The following RNF146 variants were observed in gnomAD, a reference collection of about 807,000 sequenced individuals.
The protein encoded by RNF146 is ring finger protein 146, also known as E3 ubiquitin-protein ligase RNF146.
Under a neutral mutation model 29.7 loss-of-function variants are expected in RNF146, and 11 were observed. That is an observed-to-expected ratio of 0.37 (90% CI 0.23 to 0.61). The LOEUF is 0.61. RNF146 is among the 20% of genes least tolerant of loss of function. RNF146 has a pLI of 0.66. For missense variants in RNF146, 342 were observed against 438.9 expected (o/e 0.78, Z 1.97); for synonymous variants, 150 against 159.7 (o/e 0.94, Z 0.46).
chr6:127,281,283 C>T (rs1446527388), intron 2 of RNF146, among the ~76,000 whole-genome samples: 1 of 151,528 alleles, frequency 6.6e-6, no homozygotes, highest in Non-Finnish European at 1.5e-5. Flanking sequence ...TTATTTAATC[C>T]TGTCCATTTA....
chr6:127,273,861 A>T (rs1777830090), intron 1 of RNF146, among the ~76,000 whole-genome samples: 1 of 152,186 alleles, frequency 6.6e-6, no homozygotes, highest in Non-Finnish European at 1.5e-5. Context: ...AATGTGAGTT[A>T]TGGTCACTGA....
In RNF146 at chr6:127,287,214, G is replaced by A. The variant is rs745821113; in HGVS notation, c.601G>A (p.Ala201Thr). The A allele has an allele frequency of 5.6e-6, 9 of 1,613,278 alleles. No homozygotes were observed. The highest frequency in any genetic ancestry group is 7.6e-6 in the Non-Finnish European group (9 of 1,179,620). The change falls in exon 3 of 3, where the codon GCG becomes ACG. Residue 201 changes from alanine (A) to threonine (T), a missense_variant. By Grantham distance (58) the Ala-to-Thr change is moderately conservative. Transcript: ENST00000368314. ...AGCAAGAGAGAGCTCTGCTGACGGA[G>A]CGGACAGTGTATCAGCACAGAGTGG... ...NLARESSADG[A>T]DSVSAQSGAS...
At chr6:127,269,874 A>C (rs1483634942) in intron 1 of RNF146, among the ~76,000 whole-genome samples, 3 of 152,330 alleles carry the variant, frequency 2.0e-5, no homozygotes, top group Non-Finnish European at 4.4e-5. Flanking sequence ...GATTTCATGT[A>C]GAACATTTAC....
At position 127,287,250 on chromosome 6, in the gene RNF146, C is replaced by T; in HGVS notation, c.637C>T (p.Gln213Ter). Reference protein sequence around the residue: ...SVSAQSGASVQPLVSSVRPLT... With the variant: ...SVSAQSGASV ...ATCAGCACAGAGTGGAGCTTCTGTT[C>T]AGCCCCTAGTGTCTTCTGTAAGGCC... Residue 213 changes from glutamine (Q) to a stop codon, truncating the protein, a stop_gained, in exon 3 of 3, where the codon CAG becomes TAG. Transcript: ENST00000368314. LOFTEE classifies it high-confidence loss of function. 1 of 1,613,382 alleles carries T rather than the reference C, an allele frequency of 6.2e-7. No homozygotes were observed. Among genetic ancestry groups the T allele is most frequent in the Non-Finnish European group, 8.5e-7 (1 of 1,179,650 alleles).
At position 127,287,124 on chromosome 6, in the gene RNF146, A is replaced by G; in HGVS notation, c.511A>G (p.Ile171Val). 13 of 1,613,366 alleles carry G rather than the reference A, an allele frequency of 8.1e-6. No individual in the cohort carries two copies. Among genetic ancestry groups the G allele is most frequent in the Non-Finnish European group, 1.1e-5 (13 of 1,179,632 alleles). Residue 171 changes from isoleucine to valine, a missense_variant, in exon 3 of 3, where the codon ATA becomes GTA. This residue lies in a region of RNF146 where 28 missense variants were observed against 40.7 expected (regional missense o/e 0.69). Transcript: ENST00000368314. ...GRRRKIKRDIIDIPKKGVAGL... is the reference protein window; with the variant it reads ...GRRRKIKRDIVDIPKKGVAGL... ...TCGCAGGAAGATTAAGCGAGATATA[A>G]TAGATATACCAAAGAAGGGAGTAGC...
In RNF146 at chr6:127,287,872, G is replaced by A. The variant is rs1452182127; in HGVS notation, c.*179G>A. The A allele has an allele frequency of 3.9e-6, 2 of 518,660 alleles. No homozygotes were observed. Among genetic ancestry groups the A allele is most frequent in the Non-Finnish European group, 7.0e-6 (2 of 284,108 alleles). 32.1% of individuals were successfully genotyped at this position (518,660 alleles called of 1,614,324 possible). A position where few individuals can be genotyped will look rare whatever the true frequency, so the allele number is the denominator to read the frequency against. On this transcript the variant is annotated 3_prime_UTR_variant, in exon 3 of 3. Transcript: ENST00000368314. Reference sequence around the variant, plus strand: ...GTCTCTGTTGAGAAATTTATTTAATGTAAGGAACTTGGGTGTTAATAGTTG... The same window carrying A: ...GTCTCTGTTGAGAAATTTATTTAATATAAGGAACTTGGGTGTTAATAGTTG...
Position 127,288,282 on chromosome 6 carries a change from T to C in RNF146, c.*589T>C, listed in dbSNP as rs1026345236. The C allele has an allele frequency of 3.0e-5, 5 of 166,904 alleles. No homozygotes were observed. Among genetic ancestry groups the C allele is most frequent in the African/African-American group, 4.8e-5 (2 of 41,440 alleles). 10.3% of individuals were successfully genotyped at this position (166,904 alleles called of 1,614,324 possible). On this transcript the variant is annotated 3_prime_UTR_variant, in exon 3 of 3. Transcript: ENST00000368314. ...CCATAGGCTTTGCTGTCTAGTCTTATAGTTTGAGGTTTTTTTGGTCTGCAT... is the reference window on the plus strand; with the variant it reads ...CCATAGGCTTTGCTGTCTAGTCTTACAGTTTGAGGTTTTTTTGGTCTGCAT...
At chr6:127,276,138 A>G (rs754857597) in intron 1 of RNF146, among the ~76,000 whole-genome samples, 6 of 151,880 alleles carry the variant, frequency 4.0e-5, no homozygotes, top group Non-Finnish European at 5.9e-5. Context: ...AGCCTGGGAA[A>G]CAGACTGTAG....
rs1371781300 is a variant in RNF146, at chr6:127,287,404, GAGA to G, written c.794_796del (p.Glu265del). On this transcript the variant is annotated inframe_deletion, in exon 3 of 3. Transcript: ENST00000368314. ...AACACAGCTGAAAGGAGTCATAGGG[GAGA>G]AGGAGAAGAAGATCATGAATCACCA... is the stretch of plus-strand genomic sequence containing the variant. 1.2e-6 allele frequency: 2 copies of G among 1,613,424 alleles called. No individual in the cohort carries two copies. The highest frequency in any genetic ancestry group is 8.5e-7 in the Non-Finnish European group (1 of 1,179,686).
At position 127,285,360 on chromosome 6, in the gene RNF146, T is replaced by C; in HGVS notation, c.3-1256T>C. 3 of 984,408 alleles carry C rather than the reference T, an allele frequency of 3.0e-6. No homozygotes were observed. In the South Asian group the frequency reaches 1.4e-4, roughly 46 times the overall value. 61.0% of individuals were successfully genotyped at this position (984,408 alleles called of 1,614,324 possible). ...AATTTTTGATGAGCGTAAGCATTCTTGTTGACTATATCTTTTGTAACTACT... is the reference window on the plus strand; with the variant it reads ...AATTTTTGATGAGCGTAAGCATTCTCGTTGACTATATCTTTTGTAACTACT... On this transcript the variant is annotated intron_variant, in intron 2 of 2. Coordinates refer to ENST00000368314, the MANE Select transcript of RNF146 (RefSeq NM_001242850.2).
At chr6:127,270,670 G>A (rs1373099790) in intron 1 of RNF146, among the ~76,000 whole-genome samples, 1 of 152,056 alleles carries the variant, frequency 6.6e-6, no homozygotes, top group Non-Finnish European at 1.5e-5. Flanking sequence ...GAACCGTGTA[G>A]TTCCACTTAT....
intron 1 of RNF146, among the ~76,000 whole-genome samples, chr6:127,273,488 TTC>T (rs1225862918): frequency 6.6e-6 from 1 of 152,154 alleles, no homozygotes; most frequent in Admixed American, 6.5e-5. Context: ...ACCTAATTTT[TTC>T]TTTTCCTTTT....
At chr6:127,268,927 A>G (rs574572618) in intron 1 of RNF146, among the ~76,000 whole-genome samples, 36 of 152,292 alleles carry the variant, frequency 2.4e-4, no homozygotes, top group African/African-American at 8.4e-4. Context: ...TGTTTTCACA[A>G]TATCGATCTT....
chr6:127,279,332 G>C (rs981686669), intron 1 of RNF146, among the ~76,000 whole-genome samples: 1 of 151,772 alleles, frequency 6.6e-6, no homozygotes, highest in Admixed American at 6.6e-5. Context: ...TAATTATTTT[G>C]CATGTGGAAA....
chr6:127,278,338 ACT>A (rs530667765), intron 1 of RNF146, among the ~76,000 whole-genome samples: 2 of 151,750 alleles, frequency 1.3e-5, no homozygotes, highest in African/African-American at 4.8e-5. Flanking sequence ...ACAAACAGAA[ACT>A]CTGTACCCAT....
At position 127,286,143 on chromosome 6, in the gene RNF146, A is replaced by C. The variant is rs1215222269; in HGVS notation, c.3-473A>C. On this transcript the variant is annotated intron_variant, in intron 2 of 2. Coordinates refer to ENST00000368314, the MANE Select transcript of RNF146 (RefSeq NM_001242850.2). This position sits in a 1 kb window ranked among gnomAD's most constrained non-coding sequence, Gnocchi z 4.6. The stretch of plus-strand genomic sequence containing the variant: ...TGATTACAAAGCACTTTTTTTGTCC[A>C]TTTTTACCTGAGCTTTGTAAACTCT... 1 of 1,230,586 alleles carries C rather than the reference A, an allele frequency of 8.1e-7. No homozygotes were observed. Among genetic ancestry groups the C allele is most frequent in the Admixed American group, 4.2e-5 (1 of 23,698 alleles). The allele number at this position is 1,230,586 out of a possible 1,614,324, so 76.2% of individuals were successfully genotyped here. A position where few individuals can be genotyped will look rare whatever the true frequency, so the allele number is the denominator to read the frequency against.
At chr6:127,271,585 A>G (rs1281601497) in intron 1 of RNF146, among the ~76,000 whole-genome samples, 1 of 152,194 alleles carries the variant, frequency 6.6e-6, no homozygotes, top group East Asian at 1.9e-4. Flanking sequence ...TGCCCAGTAA[A>G]GTAGCCACTA....
At chr6:127,281,942 A>G (rs1387595790) in intron 2 of RNF146, among the ~76,000 whole-genome samples, 1 of 151,684 alleles carries the variant, frequency 6.6e-6, no homozygotes, top group East Asian at 1.9e-4. Context: ...TGACTTACCT[A>G]ATTTCTCAGT....
At chr6:127,280,714 T>C (rs1778808570) in intron 2 of RNF146, 1 of 266,026 alleles carries the variant, frequency 3.8e-6, no homozygotes, top group Admixed American at 6.4e-5. Context: ...ATAAAAACTC[T>C]AGTTACTAAA....
Sources: allele counts gnomAD v4.1 joint callset (sites outside exome capture counted in the v4.1 genomes callset), GRCh38; gene constraint gnomAD v4.1.1; regional missense constraint gnomAD v4.1.1; non-coding constraint Gnocchi (gnomAD v3.1); transcripts MANE v1.5; gene names NCBI Gene and HGNC (gene_info 2026-07-23, HGNC 2026-07-21).